Variants in TMX2 observed in about 807,000 individuals in gnomAD.
TMX2 encodes the protein thioredoxin-related transmembrane protein 2.
A neutral mutation model predicts 33.4 loss-of-function variants in TMX2; 20 were observed. The ratio of observed to expected loss-of-function variants is 0.60; its 90% CI spans 0.42 to 0.87. The LOEUF (loss-of-function observed/expected upper bound fraction) is 0.87, where lower values mean the gene tolerates loss of function less well. Among genes scored for constraint, TMX2 ranks in the 40% least tolerant of loss-of-function variants. The pLI is 0.00. For synonymous variants in TMX2, 166 were observed against 140.7 expected (o/e 1.18, Z -1.27); for missense variants, 340 against 370.7 (o/e 0.92, Z 0.68).
intron 1 of TMX2, among the ~76,000 whole-genome samples, chr11:57,716,386 C>CA (rs1452594852): frequency 1.4e-5 from 1 of 73,874 alleles, no homozygotes; most frequent in Admixed American, 1.2e-4. Flanking sequence ...GCTGGCCGGG[C>CA]GAGGGGCTGA....
intron 1 of TMX2, among the ~76,000 whole-genome samples, chr11:57,733,093 T>C (rs2135592760): frequency 6.6e-6 from 1 of 152,246 alleles, no homozygotes; most frequent in Middle Eastern, 3.4e-3. Flanking sequence ...TATGGTATTA[T>C]AATCTTATGG....
intron 1 of TMX2, among the ~76,000 whole-genome samples, chr11:57,722,382 CG>C (rs1387917126): frequency 2.0e-5 from 3 of 151,340 alleles, no homozygotes; most frequent in African/African-American, 7.4e-5. Context: ...TCACTGCACC[CG>C]GCCCTCTTTC....
At chr11:57,739,360 A>C (rs1205867639) in intron 7 of TMX2, 100 bp downstream of exon 7, 5 of 1,301,816 alleles carry the variant, frequency 3.8e-6, no homozygotes, top group Non-Finnish European at 5.5e-6. Flanking sequence ...CTTGCCCATT[A>C]GCTTTGAGGG....
chr11:57,734,157 CAAAAAAAAAA>C (rs60802364), intron 1 of TMX2, among the ~76,000 whole-genome samples: 20 of 49,764 alleles, frequency 4.0e-4, no homozygotes, highest in East Asian at 1.9e-3. Context: ...ACCCTGTCTC[CAAAAAAAAAA>C]AAAAAAAAAA....
At chr11:57,731,381 G>A (rs1208336661) in intron 1 of TMX2, among the ~76,000 whole-genome samples, 2 of 145,520 alleles carry the variant, frequency 1.4e-5, no homozygotes, top group East Asian at 2.1e-4. Context: ...TGATCTGCCC[G>A]CCTCAGCCTC....
At chr11:57,720,697 C>G (rs2135503941) in intron 1 of TMX2, among the ~76,000 whole-genome samples, 1 of 152,378 alleles carries the variant, frequency 6.6e-6, no homozygotes, top group South Asian at 2.1e-4. Context: ...CGTGCCTGGC[C>G]TCAAACTAAT....
rs1946841469 is a variant in TMX2 at position 57,714,410 on chromosome 11, ATAAAC to A, written c.189+1606_189+1610del. 2.0e-5 allele frequency among the ~76,000 whole-genome samples: 3 copies of A among 152,344 alleles called. No individual in the cohort carries two copies. In the South Asian group the frequency reaches 6.2e-4, roughly 32 times the overall value. ...CAAAGCTTAATATCTGGTATAGTCT[ATAAAC>A]TAGTTTCTTTAGAGTCTGGAGGGCA... On this transcript the variant is annotated intron_variant, in intron 1 of 7. Transcript: ENST00000278422.
chr11:57,721,082 G>A (rs913114983), intron 1 of TMX2, among the ~76,000 whole-genome samples: 19 of 148,610 alleles, frequency 1.3e-4, no homozygotes, highest in African/African-American at 4.7e-4. Context: ...CGTGTGGATT[G>A]CCTGAACTCA....
intron 1 of TMX2, among the ~76,000 whole-genome samples, chr11:57,715,026 G>T (rs1291655990): frequency 1.3e-5 from 2 of 152,182 alleles, no homozygotes; most frequent in Non-Finnish European, 2.9e-5. Context: ...TTTTTACCCA[G>T]TCCGGTGATA....
Position 57,726,344 on chromosome 11 carries a change from C to T in TMX2, c.190-11264C>T, listed in dbSNP as rs570436684. Among the ~76,000 whole-genome samples, 286 of 151,734 alleles carry T rather than the reference C, an allele frequency of 1.9e-3. 2 individuals carry two copies. The highest frequency in any genetic ancestry group is 6.4e-3 in the African/African-American group (265 of 41,328). On this transcript the variant is annotated intron_variant, in intron 1 of 7. Transcript: ENST00000278422. ...AGGAGAATTGCTTGAACCCGGGAGGCGGAGGTTGCAGTGAGCCGAGATCAC... is the reference window on the plus strand; with the variant it reads ...AGGAGAATTGCTTGAACCCGGGAGGTGGAGGTTGCAGTGAGCCGAGATCAC...
chr11:57,718,747 C>T (rs1218703139), intron 1 of TMX2, among the ~76,000 whole-genome samples: 1 of 148,942 alleles, frequency 6.7e-6, no homozygotes, highest in Non-Finnish European at 1.5e-5. Context: ...CCTCCGTCTC[C>T]TGGGTTCAAG....
At chr11:57,718,899 C>T (rs1461296936) in intron 1 of TMX2, among the ~76,000 whole-genome samples, 2 of 151,650 alleles carry the variant, frequency 1.3e-5, no homozygotes, top group Non-Finnish European at 2.9e-5. Flanking sequence ...TCATGATCCG[C>T]CCGCCTTGGC....
intron 1 of TMX2, among the ~76,000 whole-genome samples, chr11:57,719,033 ATTTT>A (rs1191976911): frequency 2.1e-4 from 15 of 70,612 alleles, no homozygotes; most frequent in East Asian, 1.1e-3. Flanking sequence ...ATATATATAT[ATTTT>A]TTTTTTTTTT....
rs752916835 is a variant in TMX2 at position 57,712,593 on chromosome 11, G to A, written c.-26G>A. ...GCGGGGCGAGACCTACGACGCCGGC[G>A]AGCAGTGGCCGTTACGGCCGAAAAG... is the stretch of plus-strand genomic sequence containing the variant. On this transcript the variant is annotated 5_prime_UTR_variant, in exon 1 of 8. Coordinates refer to ENST00000278422, the MANE Select transcript of TMX2 (RefSeq NM_015959.4). The A allele has an allele frequency of 4.4e-6, 7 of 1,579,054 alleles. No individual in the cohort carries two copies. The highest frequency in any genetic ancestry group is 6.0e-6 in the Non-Finnish European group (7 of 1,158,758).
chr11:57,738,948 C>A, intron 5 of TMX2, 26 bp from the exon 6 acceptor site: 2 of 1,602,506 alleles, frequency 1.2e-6, no homozygotes, highest in Non-Finnish European at 1.7e-6. Context: ...TTTTTTTCAG[C>A]ATATTAAATA....
At chr11:57,733,411 C>G (rs948432771) in intron 1 of TMX2, among the ~76,000 whole-genome samples, 1 of 151,920 alleles carries the variant, frequency 6.6e-6, no homozygotes, top group Non-Finnish European at 1.5e-5. Context: ...CCCGCCATCA[C>G]GCCTGGCTGA....
At chr11:57,726,726 T>C (rs36036499) in intron 1 of TMX2, among the ~76,000 whole-genome samples, 52,598 of 152,150 alleles carry the variant, frequency 0.35, 10,057 homozygotes, top group Non-Finnish European at 0.44. Context: ...TTAATAAGTC[T>C]GTAACAATTT....
intron 6 of TMX2, 24 bp downstream of exon 6, chr11:57,739,063 G>A: frequency 6.2e-7 from 1 of 1,614,154 alleles, no homozygotes; most frequent in South Asian, 1.1e-5. Context: ...TGGGCAGAGG[G>A]TCTGAGCAGG....
In TMX2 at chr11:57,712,789, C is replaced by T. The variant is rs781264589; in HGVS notation, c.171C>T (p.Asn57=). 1.1e-5 allele frequency: 17 copies of T among 1,614,002 alleles called. No individual in the cohort carries two copies. The South Asian group carries it at 1.1e-4, about 10-fold the overall frequency. The change falls in exon 1 of 8, where the codon AAC becomes AAT. Residue 57 remains asparagine, a synonymous_variant. Transcript: ENST00000278422. ...HGLPTQREDG[N]PCDFDWREVE... ...TGCCCACCCAACGCGAAGACGGTAA[C>T]CCGTGTGACTTTGACTGGGTGAGCC...
Sources: gnomAD v4.1 joint callset for allele counts (sites outside exome capture counted in the v4.1 genomes callset) on GRCh38, gnomAD v4.1.1 for gene constraint, MANE v1.5 for transcripts, NCBI Gene and HGNC (gene_info 2026-07-23, HGNC 2026-07-21) for gene names.